The following DOK5 variants were observed in gnomAD, a reference collection of about 807,000 sequenced individuals.
The protein encoded by DOK5 is docking protein 5.
Under a neutral mutation model 43.3 loss-of-function variants are expected in DOK5, and 27 were observed. The observed-to-expected ratio is 0.62, with a 90% confidence interval of 0.46 to 0.86. The LOEUF (loss-of-function observed/expected upper bound fraction) is 0.86, where lower values mean the gene tolerates loss of function less well. Among genes scored for constraint, DOK5 ranks in the 40% least tolerant of loss-of-function variants. The pLI, the probability that DOK5 is intolerant of heterozygous loss-of-function variation, is 0.00. For synonymous variants in DOK5, 146 were observed against 140.1 expected (o/e 1.04, Z -0.30); for missense variants, 373 against 392.9 (o/e 0.95, Z 0.43).
At chr20:54,496,357 A>G (rs1195046632) in intron 1 of DOK5, among the ~76,000 whole-genome samples, 4 of 152,236 alleles carry the variant, frequency 2.6e-5, no homozygotes, top group Admixed American at 2.0e-4. Flanking sequence ...TATAAGGGTT[A>G]TTAAAAATGT....
intron 1 of DOK5, among the ~76,000 whole-genome samples, chr20:54,546,889 G>A (rs1984366631): frequency 6.6e-6 from 1 of 152,130 alleles, no homozygotes; most frequent in Non-Finnish European, 1.5e-5. Flanking sequence ...GACATTTGGT[G>A]GAGGGGGTTG....
At chr20:54,559,073 T>A (rs900827704) in intron 2 of DOK5, among the ~76,000 whole-genome samples, 1 of 152,228 alleles carries the variant, frequency 6.6e-6, no homozygotes, top group Non-Finnish European at 1.5e-5. Flanking sequence ...CCCACAATAG[T>A]AAGACTCCAG....
chr20:54,597,998 G>A (rs1254217827), intron 5 of DOK5, among the ~76,000 whole-genome samples: 1 of 151,972 alleles, frequency 6.6e-6, no homozygotes, highest in Admixed American at 6.5e-5. Context: ...CCTGAGCTGC[G>A]CACTGGGGTA....
rs1433725291 is a variant in DOK5 at position 54,588,522 on chromosome 20, C to T, written c.214C>T (p.Pro72Ser). 4 of 1,614,066 alleles carry T rather than the reference C, an allele frequency of 2.5e-6. No homozygotes were observed. The highest frequency in any genetic ancestry group is 1.3e-5 in the African/African-American group (1 of 75,010). Residue 72 changes from proline to serine, a missense_variant, in exon 3 of 8, where the codon CCA (proline) becomes TCA (serine). Physicochemically the swap from Pro to Ser is moderately conservative, Grantham distance 74. Coordinates refer to ENST00000262593, the MANE Select transcript of DOK5 (RefSeq NM_018431.5). ...LNNVKNVARLPKSTKKHAIGI... is the reference protein window; with the variant it reads ...LNNVKNVARLSKSTKKHAIGI... ...TAATGTGAAGAACGTAGCTCGATTGCCAAAAAGCACCAAGAAACATGCCAT... is the reference window on the plus strand; with the variant it reads ...TAATGTGAAGAACGTAGCTCGATTGTCAAAAAGCACCAAGAAACATGCCAT...
chr20:54,534,045 CA>C (rs899834833), intron 1 of DOK5, among the ~76,000 whole-genome samples: 2 of 152,078 alleles, frequency 1.3e-5, no homozygotes, highest in East Asian at 3.9e-4. Flanking sequence ...AGAATGAATT[CA>C]AAAAGAAAAT....
intron 5 of DOK5, among the ~76,000 whole-genome samples, chr20:54,599,757 GT>G (rs1168591876): frequency 1.3e-5 from 2 of 152,170 alleles, no homozygotes; most frequent in Non-Finnish European, 2.9e-5. Context: ...ATGAGATGGT[GT>G]TTTGGAATTC....
intron 6 of DOK5, among the ~76,000 whole-genome samples, chr20:54,637,902 C>A (rs1978900416): frequency 6.6e-6 from 1 of 152,172 alleles, no homozygotes; most frequent in South Asian, 2.1e-4. Context: ...GCGGGCAGAT[C>A]ACAAGGTCAG....
chr20:54,579,137 A>G (rs1308297333), intron 2 of DOK5, among the ~76,000 whole-genome samples: 1 of 152,300 alleles, frequency 6.6e-6, no homozygotes, highest in Non-Finnish European at 1.5e-5. Context: ...CATAATCAGT[A>G]TCATCTTTAC....
At chr20:54,575,929 A>G (rs1020165794) in intron 2 of DOK5, among the ~76,000 whole-genome samples, 5 of 152,248 alleles carry the variant, frequency 3.3e-5, no homozygotes, top group Non-Finnish European at 5.9e-5. Flanking sequence ...AGTAGAGGAT[A>G]CATTAGTGTT....
chr20:54,490,591 T>G (rs572786886), intron 1 of DOK5, among the ~76,000 whole-genome samples: 2 of 152,256 alleles, frequency 1.3e-5, no homozygotes, highest in East Asian at 3.9e-4. Context: ...CTTTCTCTCT[T>G]ATTTTTATTT....
chr20:54,520,081 C>T (rs1026914365), intron 1 of DOK5, among the ~76,000 whole-genome samples: 8 of 152,180 alleles, frequency 5.3e-5, no homozygotes, highest in Non-Finnish European at 1.2e-4. Flanking sequence ...TTGGGCCCCT[C>T]CACATCCTTG....
At chr20:54,514,586 CTTT>C (rs199776939) in intron 1 of DOK5, among the ~76,000 whole-genome samples, 3 of 100,962 alleles carry the variant, frequency 3.0e-5, no homozygotes, top group Non-Finnish European at 4.0e-5. Flanking sequence ...AAGTTTTACT[CTTT>C]TTTTTTTTTT....
intron 1 of DOK5, among the ~76,000 whole-genome samples, chr20:54,538,551 A>C (rs1984034468): frequency 6.6e-6 from 1 of 152,252 alleles, no homozygotes; most frequent in African/African-American, 2.4e-5. Context: ...GTGAGCAAAA[A>C]TATGGGTAAA....
intron 1 of DOK5, among the ~76,000 whole-genome samples, chr20:54,537,003 G>T (rs972667707): frequency 2.6e-5 from 4 of 152,224 alleles, no homozygotes; most frequent in African/African-American, 9.6e-5. Flanking sequence ...TGTCAGAGGA[G>T]ACCTAATGGA....
At chr20:54,533,240 C>A (rs992220754) in intron 1 of DOK5, among the ~76,000 whole-genome samples, 2 of 152,158 alleles carry the variant, frequency 1.3e-5, no homozygotes, top group South Asian at 2.1e-4. Flanking sequence ...CCATTAGAAA[C>A]CCCTCTCAGT....
chr20:54,603,322 G>C (rs986971487), intron 5 of DOK5, among the ~76,000 whole-genome samples: 1 of 152,184 alleles, frequency 6.6e-6, no homozygotes, highest in Admixed American at 6.5e-5. Flanking sequence ...GTACACACAC[G>C]GGGCACTAGG....
In DOK5 at chr20:54,544,680, T is replaced by A. The variant is rs187927429; in HGVS notation, c.67-10253T>A. Among the ~76,000 whole-genome samples, 252 of 152,218 alleles carry A rather than the reference T, an allele frequency of 1.7e-3. 3 individuals are homozygous for A. The highest frequency in any genetic ancestry group is 5.1e-4 in the Non-Finnish European group (35 of 68,010). ...AAGGATAGTTTGATGGGCAAGGGAATGGGTGCTGCTGATTGGTTGTGGATG... is the reference window on the plus strand; with the variant it reads ...AAGGATAGTTTGATGGGCAAGGGAAAGGGTGCTGCTGATTGGTTGTGGATG... On this transcript the variant is annotated intron_variant, in intron 1 of 7. Coordinates refer to ENST00000262593, the MANE Select transcript of DOK5 (RefSeq NM_018431.5).
chr20:54,620,895 T>G (rs1310533088), intron 6 of DOK5, among the ~76,000 whole-genome samples: 1 of 152,056 alleles, frequency 6.6e-6, no homozygotes, highest in East Asian at 1.9e-4. Context: ...CTTGCGGAGC[T>G]TATTTGTAAG....
At chr20:54,591,049 A>G (rs1985961369) in intron 4 of DOK5, among the ~76,000 whole-genome samples, 1 of 152,236 alleles carries the variant, frequency 6.6e-6, no homozygotes, top group Admixed American at 6.5e-5. Context: ...TGTTGAAACT[A>G]GTTCAAATAT....
Sources: allele counts gnomAD v4.1 joint callset (sites outside exome capture counted in the v4.1 genomes callset), GRCh38; gene constraint gnomAD v4.1.1; transcripts MANE v1.5; gene names NCBI Gene and HGNC (gene_info 2026-07-23, HGNC 2026-07-21).